Variants in MCTP2 observed in about 807,000 individuals in gnomAD.
MCTP2 encodes multiple C2 and transmembrane domain-containing protein 2.
A neutral mutation model predicts 111.6 loss-of-function variants in MCTP2; 132 were observed. The observed-to-expected ratio is 1.18, with a 90% CI of 1.03 to 1.37. MCTP2 has a LOEUF of 1.37. MCTP2 is among the 40% of genes most tolerant of loss of function. The pLI is 0.00. For synonymous variants in MCTP2, 395 were observed against 387.7 expected (o/e 1.02, Z -0.22); for missense variants, 1,183 against 1,067.9 (o/e 1.11, Z -1.50).
intron 17 of MCTP2, among the ~76,000 whole-genome samples, chr15:94,420,953 T>C (rs1160029920): frequency 3.9e-5 from 6 of 152,166 alleles, no homozygotes; most frequent in Non-Finnish European, 7.4e-5. Context: ...ATAGACTTCA[T>C]TGCTGTCTTA....
intron 1 of MCTP2, among the ~76,000 whole-genome samples, chr15:94,245,426 A>G (rs1001471602): frequency 3.7e-5 from 5 of 136,986 alleles, no homozygotes; most frequent in South Asian, 2.3e-4. Flanking sequence ...ACATGTGTGT[A>G]TATATTTATA....
intron 20 of MCTP2, among the ~76,000 whole-genome samples, chr15:94,458,678 A>AG (rs1262603166): frequency 3.3e-5 from 5 of 152,344 alleles, no homozygotes; most frequent in African/African-American, 1.2e-4. Context: ...ATACACATCT[A>AG]GTAGCACCAT....
At chr15:94,436,747 G>A (rs2083497682) in intron 17 of MCTP2, among the ~76,000 whole-genome samples, 1 of 152,028 alleles carries the variant, frequency 6.6e-6, no homozygotes, top group African/African-American at 2.4e-5. Context: ...ATAGCTTTAT[G>A]TCAGCCTCTT....
At position 94,384,111 on chromosome 15, in the gene MCTP2, A is replaced by C; in HGVS notation, c.1672A>C (p.Lys558Gln). The C allele has an allele frequency of 6.2e-7, 1 of 1,612,828 alleles. No homozygotes were observed. The highest frequency in any genetic ancestry group is 1.1e-5 in the South Asian group (1 of 90,964). ...CAAAAACCTCAACCCTGAATGGAAC[A>C]AAGTTTTTACATTGTAAGTGCTTTA... ...VYKNLNPEWN[K>Q]VFTFPIKDIH... Residue 558 changes from lysine to glutamine, a missense_variant, in exon 13 of 23, where the codon AAA becomes CAA. By Grantham distance (53) the Lys-to-Gln change is moderately conservative. Transcript: ENST00000357742.
intron 8 of MCTP2, among the ~76,000 whole-genome samples, chr15:94,349,373 T>C (rs112030228): frequency 2.6e-5 from 4 of 152,292 alleles, no homozygotes; most frequent in African/African-American, 9.6e-5. Flanking sequence ...ACTGAGCACA[T>C]ACACTTGCGG....
chr15:94,255,922 TAATG>T lies in MCTP2; in HGVS notation c.-66+24261_-66+24264del, dbSNP rs370940322. Among the ~76,000 whole-genome samples the T allele has an allele frequency of 2.0e-3, 305 of 152,320 alleles. 2 individuals carry two copies. Among genetic ancestry groups the T allele is most frequent in the African/African-American group, 6.9e-3 (285 of 41,568 alleles). On this transcript the variant is annotated intron_variant, in intron 1 of 22. Transcript: ENST00000357742. ...ACTTTACAGTTGTACTTACTTCTGT[TAATG>T]AAGCACAATCTGATTTTTAGCAGGG...
chr15:94,393,718 A>G (rs1344211660), intron 14 of MCTP2, among the ~76,000 whole-genome samples: 1 of 152,184 alleles, frequency 6.6e-6, no homozygotes, highest in African/African-American at 2.4e-5. Context: ...TCTTTAATCA[A>G]TAAGGAAAAT....
chr15:94,411,165 A>T (rs1347094784), intron 17 of MCTP2, among the ~76,000 whole-genome samples: 2 of 152,240 alleles, frequency 1.3e-5, no homozygotes, highest in East Asian at 3.8e-4. Flanking sequence ...AACAGAAAAG[A>T]ATATTTAGAA....
intron 21 of MCTP2, among the ~76,000 whole-genome samples, chr15:94,475,035 A>C (rs2074242917): frequency 6.6e-6 from 1 of 152,188 alleles, no homozygotes; most frequent in Admixed American, 6.6e-5. Context: ...CCAGATGCGC[A>C]CACCATATAT....
rs561873021 is a variant in MCTP2 at position 94,318,341 on chromosome 15, T to A, written c.637+2704T>A. The stretch of plus-strand genomic sequence containing the variant: ...CTCTGTCGCCCAGGCTGGAGTGCAG[T>A]GGCACAATCTTAGCTCACTGCAACC... On this transcript the variant is annotated intron_variant, in intron 4 of 22. Coordinates refer to ENST00000357742, the MANE Select transcript of MCTP2 (RefSeq NM_001385001.1). Among the ~76,000 whole-genome samples the A allele has an allele frequency of 1.9e-4, 28 of 151,072 alleles. No homozygotes were observed. The East Asian group carries it at 3.5e-3, about 19-fold the overall frequency.
chr15:94,340,947 T>C (rs1451154841), intron 7 of MCTP2, 23 bp downstream of exon 7: 5 of 1,434,324 alleles, frequency 3.5e-6, no homozygotes, highest in Non-Finnish European at 4.9e-6. Flanking sequence ...TTCTATTCTT[T>C]TGAAACCTCT....
At chr15:94,448,859 G>A (rs2084275753) in intron 19 of MCTP2, among the ~76,000 whole-genome samples, 1 of 152,148 alleles carries the variant, frequency 6.6e-6, no homozygotes, top group South Asian at 2.1e-4. Flanking sequence ...TGGCCAACAT[G>A]GTGAAACCCC....
At chr15:94,381,874 T>G (rs2080157970) in intron 12 of MCTP2, among the ~76,000 whole-genome samples, 1 of 152,230 alleles carries the variant, frequency 6.6e-6, no homozygotes, top group Non-Finnish European at 1.5e-5. Context: ...AAACTGTCTT[T>G]AAATAAATAA....
chr15:94,397,497 A>G (rs1300442480), intron 14 of MCTP2, among the ~76,000 whole-genome samples: 2 of 152,228 alleles, frequency 1.3e-5, no homozygotes, highest in Non-Finnish European at 2.9e-5. Flanking sequence ...CAATTTATTA[A>G]GTGAGACTGT....
At chr15:94,474,623 C>A (rs1259737271) in intron 21 of MCTP2, among the ~76,000 whole-genome samples, 1 of 152,118 alleles carries the variant, frequency 6.6e-6, no homozygotes, top group East Asian at 1.9e-4. Context: ...CTTTGGGAGG[C>A]TGAGGTGGGT....
intron 1 of MCTP2, among the ~76,000 whole-genome samples, chr15:94,245,388 T>A (rs2071813306): frequency 2.0e-5 from 1 of 50,848 alleles, no homozygotes; most frequent in African/African-American, 7.3e-5. Context: ...GTATATGTAT[T>A]TATATACATG....
chr15:94,420,207 G>GA (rs111362092), intron 17 of MCTP2, among the ~76,000 whole-genome samples: 7 of 152,078 alleles, frequency 4.6e-5, no homozygotes, highest in African/African-American at 1.2e-4. Flanking sequence ...CTACTTCTCA[G>GA]AAAAAAATGA....
chr15:94,423,760 C>T (rs2082736613), intron 17 of MCTP2, among the ~76,000 whole-genome samples: 1 of 152,072 alleles, frequency 6.6e-6, no homozygotes, highest in African/African-American at 2.4e-5. Flanking sequence ...TGAAAGCATT[C>T]CTAGGCCAGT....
intron 2 of MCTP2, among the ~76,000 whole-genome samples, chr15:94,300,509 C>CAAAAAAAAA (rs34484349): frequency 1.6e-5 from 2 of 126,390 alleles, no homozygotes; most frequent in African/African-American, 6.1e-5. Flanking sequence ...GACTCTGTCT[C>CAAAAAAAAA]AAAAAAAAAA....
Sources: gnomAD v4.1 joint callset for allele counts (sites outside exome capture counted in the v4.1 genomes callset) on GRCh38, gnomAD v4.1.1 for gene constraint, MANE v1.5 for transcripts, NCBI Gene and HGNC (gene_info 2026-07-23, HGNC 2026-07-21) for gene names.